NUBPL: variants seen among roughly 807,000 people sequenced by gnomAD.
NUBPL encodes NUBP iron-sulfur cluster assembly factor, mitochondrial.
NUBPL carries 31 observed loss-of-function variants against 45.7 expected under a neutral mutation model. That is an observed-to-expected ratio of 0.68 (90% CI 0.51 to 0.92). The LOEUF is 0.92. NUBPL is among the 40% of genes least tolerant of loss of function. The pLI is 0.00. For missense variants in NUBPL, 401 were observed against 398.7 expected, an observed-to-expected ratio of 1.01 and a Z score of -0.05; for synonymous variants, 144 against 140.9, an observed-to-expected ratio of 1.02 and a Z score of -0.15.
In NUBPL at chr14:31,639,396, G is replaced by A. The variant is rs371276123; in HGVS notation, c.383-33959G>A. 1.4e-3 allele frequency among the ~76,000 whole-genome samples: 208 copies of A among 152,268 alleles called. 3 individuals carry two copies. In the South Asian group the frequency reaches 0.028, roughly 21 times the overall value. Reference sequence around the variant, plus strand: ...TCAGCAGCGGTGGCTGCAGAACAGCGGATTTCGTGAACCGCAAATGCTGCT... The same window carrying A: ...TCAGCAGCGGTGGCTGCAGAACAGCAGATTTCGTGAACCGCAAATGCTGCT... On this transcript the variant is annotated intron_variant, in intron 4 of 10. Transcript: ENST00000281081.
At chr14:31,563,404 G>A (rs2033351825) in intron 2 of NUBPL, among the ~76,000 whole-genome samples, 1 of 152,154 alleles carries the variant, frequency 6.6e-6, no homozygotes, top group South Asian at 2.1e-4. Flanking sequence ...ATTTAAACAG[G>A]AAAATGTATG....
chr14:31,709,524 T>C (rs2037524508), intron 6 of NUBPL, among the ~76,000 whole-genome samples: 1 of 151,160 alleles, frequency 6.6e-6, no homozygotes, highest in Non-Finnish European at 1.5e-5. Context: ...AGATACCAAG[T>C]ATCTCCAAAC....
At chr14:31,734,898 A>G (rs999889727) in intron 6 of NUBPL, among the ~76,000 whole-genome samples, 2 of 152,208 alleles carry the variant, frequency 1.3e-5, no homozygotes, top group African/African-American at 4.8e-5. Context: ...CCAGGTTATA[A>G]CCAAGAAGAC....
intron 6 of NUBPL, among the ~76,000 whole-genome samples, chr14:31,743,298 T>G (rs1244188768): frequency 2.0e-5 from 3 of 152,208 alleles, no homozygotes; most frequent in African/African-American, 7.2e-5. Context: ...GCTGAATATA[T>G]CTAACAGAAA....
Position 31,787,761 on chromosome 14 carries a change from A to G in NUBPL, c.514-19A>G. 1 of 1,490,682 alleles carries G rather than the reference A, an allele frequency of 6.7e-7. No individual in the cohort carries two copies. Among genetic ancestry groups the G allele is most frequent in the Non-Finnish European group, 9.4e-7 (1 of 1,067,296 alleles). 92.3% of individuals were successfully genotyped at this position (1,490,682 alleles called of 1,614,324 possible). A position where few individuals can be genotyped will look rare whatever the true frequency, so the allele number is the denominator to read the frequency against. On this transcript the variant is annotated intron_variant, in intron 6 of 10. Transcript: ENST00000281081. ...CATTGAATTTTTATACAATGATATAATCTATGTCATCTTTTTAGGTAGATT... is the reference window on the plus strand; with the variant it reads ...CATTGAATTTTTATACAATGATATAGTCTATGTCATCTTTTTAGGTAGATT...
chr14:31,638,990 A>T (rs1276870650), intron 4 of NUBPL, among the ~76,000 whole-genome samples: 2 of 151,642 alleles, frequency 1.3e-5, no homozygotes, highest in African/African-American at 4.8e-5. Context: ...ATTTGTCTAA[A>T]TTTTTTTTCA....
At chr14:31,773,199 T>C (rs2039040431) in intron 6 of NUBPL, among the ~76,000 whole-genome samples, 1 of 152,200 alleles carries the variant, frequency 6.6e-6, no homozygotes, top group Non-Finnish European at 1.5e-5. Flanking sequence ...AAATGTTGCA[T>C]GATTTTACAT....
At chr14:31,818,399 G>A (rs1267358661) in intron 7 of NUBPL, among the ~76,000 whole-genome samples, 1 of 152,120 alleles carries the variant, frequency 6.6e-6, no homozygotes, top group African/African-American at 2.4e-5. Flanking sequence ...TGGATTCTTA[G>A]CCTTCCAAAG....
At chr14:31,743,403 A>G (rs1260305304) in intron 6 of NUBPL, among the ~76,000 whole-genome samples, 2 of 152,144 alleles carry the variant, frequency 1.3e-5, no homozygotes, top group African/African-American at 4.8e-5. Context: ...AAATTGAGAC[A>G]GAGTCTTGCT....
chr14:31,854,014 AG>A (rs1179248882), intron 10 of NUBPL, among the ~76,000 whole-genome samples: 1 of 152,230 alleles, frequency 6.6e-6, no homozygotes, highest in African/African-American at 2.4e-5. Context: ...AGCTACAGAA[AG>A]ATGTGCTATA....
In NUBPL at chr14:31,673,583, A is replaced by G. The variant is rs775705854; in HGVS notation, c.513+9A>G. 6.2e-7 allele frequency: 1 copy of G among 1,601,894 alleles called. No homozygotes were observed. Among genetic ancestry groups the G allele is most frequent in the East Asian group, 2.2e-5 (1 of 44,740 alleles). ...AGAAATTGTTGAGGCAGGTAAGAAT[A>G]TTGCTTTAAATATCATTTTATCATT... On this transcript the variant is annotated intron_variant, in intron 6 of 10. Transcript: ENST00000281081.
chr14:31,785,138 A>T (rs1273592173), intron 6 of NUBPL, among the ~76,000 whole-genome samples: 1 of 152,208 alleles, frequency 6.6e-6, no homozygotes, highest in South Asian at 2.1e-4. Context: ...AAGAGATTCA[A>T]ATAAATTCTT....
chr14:31,627,027 G>A (rs770997460), intron 4 of NUBPL, among the ~76,000 whole-genome samples: 2 of 152,268 alleles, frequency 1.3e-5, no homozygotes, highest in Non-Finnish European at 2.9e-5. Context: ...GGTCTGGGAG[G>A]AGCTATTGGT....
intron 4 of NUBPL, among the ~76,000 whole-genome samples, chr14:31,600,937 G>A (rs1476862614): frequency 2.0e-5 from 3 of 151,846 alleles, no homozygotes; most frequent in East Asian, 3.9e-4. Flanking sequence ...TGTATAAGGT[G>A]TAAGGAAGGG....
chr14:31,611,375 A>G (rs1359466969), intron 4 of NUBPL, among the ~76,000 whole-genome samples: 2 of 152,190 alleles, frequency 1.3e-5, no homozygotes, highest in African/African-American at 2.4e-5. Context: ...AAAGCAAAAT[A>G]TGTCTATAAT....
intron 6 of NUBPL, among the ~76,000 whole-genome samples, chr14:31,716,827 ACCACCTAGCTGC>A (rs2037699428): frequency 6.6e-6 from 1 of 152,072 alleles, no homozygotes; most frequent in Admixed American, 6.5e-5. Context: ...GACACTACCA[ACCACCTAGCTGC>A]TCAGGCTAAA....
intron 4 of NUBPL, among the ~76,000 whole-genome samples, chr14:31,611,600 C>A (rs2034760060): frequency 1.3e-5 from 2 of 152,130 alleles, no homozygotes; most frequent in Admixed American, 1.3e-4. Flanking sequence ...CACAGAAGAT[C>A]CAGAATAGCC....
chr14:31,713,074 A>T (rs2037613112), intron 6 of NUBPL, among the ~76,000 whole-genome samples: 1 of 152,168 alleles, frequency 6.6e-6, no homozygotes, highest in African/African-American at 2.4e-5. Context: ...ATACTTTTTG[A>T]GAAGGCTGAG....
intron 6 of NUBPL, among the ~76,000 whole-genome samples, chr14:31,731,828 T>C (rs532437838): frequency 7.8e-4 from 118 of 152,208 alleles, no homozygotes; most frequent in African/African-American, 2.7e-3. Flanking sequence ...AACTCTCAAC[T>C]TGGTCAAATG....
Sources: allele counts gnomAD v4.1 joint callset (sites outside exome capture counted in the v4.1 genomes callset), GRCh38; gene constraint gnomAD v4.1.1; transcripts MANE v1.5; gene names NCBI Gene and HGNC (gene_info 2026-07-23, HGNC 2026-07-21).